Variants in DNM3 observed in about 807,000 individuals in gnomAD.
DNM3 encodes the protein dynamin 3.
DNM3 carries 47 observed loss-of-function variants against 101.6 expected under a neutral mutation model. The ratio of observed to expected loss-of-function variants is 0.46; its 90% CI spans 0.37 to 0.59. The LOEUF is 0.59. Ranked by LOEUF, DNM3 falls within the 20% of genes least tolerant of loss-of-function variation. DNM3 has a pLI of 0.00. For synonymous variants in DNM3, 385 were observed against 387.9 expected (o/e 0.99, Z 0.09); for missense variants, 849 against 1,085.7 (o/e 0.78, Z 3.06).
At chr1:172,314,385 G>A (rs533594971) in intron 16 of DNM3, among the ~76,000 whole-genome samples, 26 of 152,284 alleles carry the variant, frequency 1.7e-4, no homozygotes, top group African/African-American at 6.3e-4. Flanking sequence ...GACAGTGGGT[G>A]CAGGTCAGTG....
chr1:172,214,579 A>G (rs10911299), intron 14 of DNM3, among the ~76,000 whole-genome samples: 75,771 of 151,926 alleles, frequency 0.5, 19,395 homozygotes, highest in Middle Eastern at 0.66. Context: ...TGTACTAAAC[A>G]TAATTAGATA....
rs144700796 is a variant in DNM3 at position 172,410,493 on chromosome 1, GTAAATA to G, written c.*2655_*2660del. 6.3e-4 allele frequency: 620 copies of G among 983,420 alleles called. 2 individuals are homozygous for G. The African/African-American group carries it at 0.01, about 16-fold the overall frequency. The allele number at this position is 983,420 out of a possible 1,614,324, so 60.9% of individuals were successfully genotyped here. Reference sequence around the variant, plus strand: ...TAAACTGTAAATGTTTATTTGATAGGTAAATATAGTTTTATTGTCACATGCTAAATA... The same window carrying G: ...TAAACTGTAAATGTTTATTTGATAGGTAGTTTTATTGTCACATGCTAAATA... On this transcript the variant is annotated 3_prime_UTR_variant, in exon 21 of 21. Transcript: ENST00000627582.
At chr1:171,916,335 A>G (rs1480860357) in intron 1 of DNM3, among the ~76,000 whole-genome samples, 1 of 152,236 alleles carries the variant, frequency 6.6e-6, no homozygotes, top group Non-Finnish European at 1.5e-5. Flanking sequence ...GTTAATGCAT[A>G]TAAAGCAATC....
At chr1:172,019,729 T>C (rs2047703849) in intron 4 of DNM3, among the ~76,000 whole-genome samples, 1 of 152,110 alleles carries the variant, frequency 6.6e-6, no homozygotes, top group Non-Finnish European at 1.5e-5. Flanking sequence ...GGTGATTGTT[T>C]CCTCAACTTT....
At chr1:172,120,530 A>T (rs1168395203) in intron 13 of DNM3, among the ~76,000 whole-genome samples, 1 of 152,150 alleles carries the variant, frequency 6.6e-6, no homozygotes, top group Non-Finnish European at 1.5e-5. Flanking sequence ...TCTTCACATA[A>T]ATTACATGAC....
chr1:172,157,750 T>C (rs957681294), intron 14 of DNM3, among the ~76,000 whole-genome samples: 1 of 152,058 alleles, frequency 6.6e-6, no homozygotes, highest in Non-Finnish European at 1.5e-5. Context: ...AATAAGATGA[T>C]TTAAGGTATA....
At chr1:172,274,170 C>G (rs1476034027) in intron 15 of DNM3, among the ~76,000 whole-genome samples, 1 of 151,994 alleles carries the variant, frequency 6.6e-6, no homozygotes, top group Admixed American at 6.6e-5. Context: ...CACTCAGTCC[C>G]CTCCTACTCA....
At chr1:171,860,828 G>A (rs1220181680) in intron 1 of DNM3, among the ~76,000 whole-genome samples, 1 of 150,516 alleles carries the variant, frequency 6.6e-6, no homozygotes, top group Non-Finnish European at 1.5e-5. Context: ...ATGAAAAAAC[G>A]ACTCTCAAGT....
Position 171,987,814 on chromosome 1 carries a change from A to G in DNM3, c.385+9A>G. 6.5e-7 allele frequency: 1 copy of G among 1,537,640 alleles called. No individual in the cohort carries two copies. The highest frequency in any genetic ancestry group is 8.7e-7 in the Non-Finnish European group (1 of 1,148,092). On this transcript the variant is annotated intron_variant, in intron 3 of 20. Coordinates refer to ENST00000627582, the MANE Select transcript of DNM3 (RefSeq NM_015569.5). Reference sequence around the variant, plus strand: ...AGTCTATTCCCCACACGGTAAGTAAAATAATAAAATTCCAAATTCTTCTCC... The same window carrying G: ...AGTCTATTCCCCACACGGTAAGTAAGATAATAAAATTCCAAATTCTTCTCC...
chr1:172,254,784 G>C (rs537067018), intron 15 of DNM3, among the ~76,000 whole-genome samples: 1 of 152,218 alleles, frequency 6.6e-6, no homozygotes, highest in East Asian at 1.9e-4. Context: ...AGAGGTAAGA[G>C]AGGATGGACT....
intron 17 of DNM3, among the ~76,000 whole-genome samples, chr1:172,349,500 CTTTA>C (rs1409235850): frequency 6.6e-6 from 1 of 152,124 alleles, no homozygotes; most frequent in East Asian, 1.9e-4. Flanking sequence ...AGTGATCCAT[CTTTA>C]TTTATTCTAC....
At chr1:172,288,416 G>C (rs2063780547) in intron 15 of DNM3, among the ~76,000 whole-genome samples, 1 of 152,146 alleles carries the variant, frequency 6.6e-6, no homozygotes, top group Non-Finnish European at 1.5e-5. Flanking sequence ...CAAGAATCAG[G>C]GGCCAGATCA....
At chr1:171,949,769 G>C (rs770493437) in intron 2 of DNM3, among the ~76,000 whole-genome samples, 6 of 152,082 alleles carry the variant, frequency 3.9e-5, no homozygotes, top group Non-Finnish European at 7.4e-5. Context: ...TAAAAAGACT[G>C]ACCATACAAA....
chr1:172,263,894 TAAAAC>T (rs1247311679), intron 15 of DNM3, among the ~76,000 whole-genome samples: 3 of 152,192 alleles, frequency 2.0e-5, no homozygotes, highest in Non-Finnish European at 4.4e-5. Context: ...TCATTGAACT[TAAAAC>T]AGAAGGACTA....
intron 17 of DNM3, among the ~76,000 whole-genome samples, chr1:172,331,404 C>G (rs1455389574): frequency 6.6e-6 from 1 of 152,006 alleles, no homozygotes; most frequent in Non-Finnish European, 1.5e-5. Flanking sequence ...ACTCATTTGC[C>G]TTGAACCCAT....
intron 1 of DNM3, among the ~76,000 whole-genome samples, chr1:171,893,924 A>T (rs568113322): frequency 2.2e-4 from 34 of 152,192 alleles, no homozygotes; most frequent in Admixed American, 4.6e-4. Flanking sequence ...ATATATATAT[A>T]TTTTTTCTCC....
At chr1:172,173,894 A>G (rs1176194111) in intron 14 of DNM3, among the ~76,000 whole-genome samples, 2 of 151,622 alleles carry the variant, frequency 1.3e-5, no homozygotes, top group African/African-American at 2.4e-5. Context: ...CTTCTGGATC[A>G]TATATGGCCA....
chr1:171,935,522 T>A (rs1571704428), intron 2 of DNM3, among the ~76,000 whole-genome samples: 1 of 152,096 alleles, frequency 6.6e-6, no homozygotes, highest in Non-Finnish European at 1.5e-5. Context: ...ATTGATGAGG[T>A]CTTGGGTGAT....
At chr1:172,276,145 G>T (rs1001653707) in intron 15 of DNM3, among the ~76,000 whole-genome samples, 4 of 152,050 alleles carry the variant, frequency 2.6e-5, no homozygotes, top group Admixed American at 6.6e-5. Flanking sequence ...ACAACTTATT[G>T]GTAGGGTGTC....
Sources: allele counts gnomAD v4.1 joint callset (sites outside exome capture counted in the v4.1 genomes callset), GRCh38; gene constraint gnomAD v4.1.1; transcripts MANE v1.5; gene names NCBI Gene and HGNC (gene_info 2026-07-23, HGNC 2026-07-21).